The following PCDH15 variants were observed in gnomAD, a reference collection of about 807,000 sequenced individuals.
PCDH15 encodes the protein protocadherin related 15.
A neutral mutation model predicts 178.5 loss-of-function variants in PCDH15; 129 were observed. The ratio of observed to expected loss-of-function variants is 0.72; its 90% CI spans 0.63 to 0.84. The LOEUF is 0.84. PCDH15 is among the 40% of genes least tolerant of loss of function. PCDH15 has a pLI of 0.00. For missense variants in PCDH15, 2,230 were observed against 2,099.9 expected, an observed-to-expected ratio of 1.06 and a Z score of -1.21; for synonymous variants, 800 against 732.0, an observed-to-expected ratio of 1.09 and a Z score of -1.50.
intron 1 of PCDH15, among the ~76,000 whole-genome samples, chr10:54,668,433 G>A (rs2094605525): frequency 6.6e-6 from 1 of 152,134 alleles, no homozygotes; most frequent in African/African-American, 2.4e-5. Flanking sequence ...AACTGAATGA[G>A]AACTTTACAA....
intron 1 of PCDH15, among the ~76,000 whole-genome samples, chr10:54,744,891 T>G (rs1473891325): frequency 6.6e-6 from 1 of 152,132 alleles, no homozygotes; most frequent in Non-Finnish European, 1.5e-5. Flanking sequence ...GACAATTACA[T>G]TCTTCAGCAA....
At chr10:54,980,424 G>T (rs1839203082) in intron 2 of PCDH15, among the ~76,000 whole-genome samples, 1 of 151,376 alleles carries the variant, frequency 6.6e-6, no homozygotes, top group African/African-American at 2.4e-5. Context: ...TTATTTTATT[G>T]AATTACCATT....
intron 1 of PCDH15, among the ~76,000 whole-genome samples, chr10:54,766,093 T>A (rs774174878): frequency 1.2e-4 from 18 of 152,060 alleles, no homozygotes; most frequent in Non-Finnish European, 1.2e-4. Context: ...TTGAGAAAAT[T>A]AATCATGCAA....
intron 2 of PCDH15, among the ~76,000 whole-genome samples, chr10:54,992,299 T>C (rs1185306954): frequency 6.6e-6 from 1 of 152,180 alleles, no homozygotes; most frequent in Non-Finnish European, 1.5e-5. Flanking sequence ...TCATAACTAC[T>C]GGTCAAAACA....
chr10:54,707,411 T>C (rs1418281230), intron 1 of PCDH15, among the ~76,000 whole-genome samples: 1 of 152,192 alleles, frequency 6.6e-6, no homozygotes, highest in Admixed American at 6.5e-5. Flanking sequence ...TGGAAGTAAC[T>C]TGCTGGTATA....
At chr10:54,451,488 G>A (rs2076476389) in intron 3 of PCDH15, among the ~76,000 whole-genome samples, 2 of 151,786 alleles carry the variant, frequency 1.3e-5, no homozygotes, top group Admixed American at 1.3e-4. Flanking sequence ...TCTGCGTTTT[G>A]GAAAGTTAAA....
intron 2 of PCDH15, among the ~76,000 whole-genome samples, chr10:55,003,561 G>A (rs1839847797): frequency 6.6e-6 from 1 of 151,836 alleles, no homozygotes; most frequent in Non-Finnish European, 1.5e-5. Context: ...CTCTTTGCCT[G>A]ATTTCTCCAG....
In PCDH15 at chr10:53,957,253, GC is replaced by G. The variant is rs562785382; in HGVS notation, c.3122+2478del. ...TGGGAATTTTAAGTTAAAACTGTGA[GC>G]GTTTTTTTGGATCCACTTAGAAGAC... On this transcript the variant is annotated intron_variant, in intron 23 of 37. Transcript: ENST00000644397. Among the ~76,000 whole-genome samples, 450 of 152,278 alleles carry G rather than the reference GC, an allele frequency of 3.0e-3. 1 individual carries two copies. Among genetic ancestry groups the G allele is most frequent in the African/African-American group, 9.7e-3 (405 of 41,554 alleles).
At chr10:53,978,449 T>C (rs1015474747) in intron 21 of PCDH15, among the ~76,000 whole-genome samples, 3 of 152,096 alleles carry the variant, frequency 2.0e-5, no homozygotes, top group Non-Finnish European at 4.4e-5. Flanking sequence ...AACCAAGTCC[T>C]GAGGCTATAC....
At chr10:54,281,300 A>G (rs2058692734) in intron 8 of PCDH15, among the ~76,000 whole-genome samples, 1 of 152,024 alleles carries the variant, frequency 6.6e-6, no homozygotes, top group Non-Finnish European at 1.5e-5. Context: ...GAAAAATAAG[A>G]AACATTTCAG....
intron 2 of PCDH15, among the ~76,000 whole-genome samples, chr10:55,336,869 G>T (rs1462003589): frequency 6.6e-6 from 1 of 152,130 alleles, no homozygotes; most frequent in Non-Finnish European, 1.5e-5. Context: ...TTGTTAATCT[G>T]CTTTTTGTTA....
chr10:55,453,606 A>G (rs1211759590), intron 2 of PCDH15, among the ~76,000 whole-genome samples: 1 of 152,078 alleles, frequency 6.6e-6, no homozygotes, highest in Non-Finnish European at 1.5e-5. Context: ...TCGGGGGGTC[A>G]ACTAGATTCT....
At chr10:55,464,770 A>G (rs1839796396) in intron 2 of PCDH15, among the ~76,000 whole-genome samples, 2 of 149,918 alleles carry the variant, frequency 1.3e-5, no homozygotes, top group Non-Finnish European at 3.0e-5. Context: ...CAATGATAAA[A>G]ATTTCCTTTA....
Position 54,830,431 on chromosome 10 carries a change from G to A in PCDH15, c.-29+67019C>T, listed in dbSNP as rs374140521. Among the ~76,000 whole-genome samples, 61 of 152,210 alleles carry A rather than the reference G, an allele frequency of 4.0e-4. No homozygotes were observed. In the East Asian group the frequency reaches 6.0e-3, roughly 15 times the overall value. ...AAAAAATGATGAGTTCATGTCCTTT[G>A]TAGGGACATGGATGAAGCTGGAAAC... On this transcript the variant is annotated intron_variant, in intron 3 of 5. Coordinates refer to the PCDH15 transcript ENST00000458638.
chr10:55,481,842 A>G (rs1840188414), intron 2 of PCDH15, among the ~76,000 whole-genome samples: 4 of 151,780 alleles, frequency 2.6e-5, no homozygotes, highest in African/African-American at 9.7e-5. Context: ...CTATGTGTCT[A>G]TCAGGTGCAT....
At chr10:54,772,852 C>T (rs1018790803) in intron 1 of PCDH15, among the ~76,000 whole-genome samples, 14 of 152,076 alleles carry the variant, frequency 9.2e-5, no homozygotes. Flanking sequence ...ATAGCAAAGA[C>T]ATTGAATCAA....
At chr10:55,165,500 A>G (rs1439559399) in intron 2 of PCDH15, among the ~76,000 whole-genome samples, 2 of 151,846 alleles carry the variant, frequency 1.3e-5, no homozygotes, top group Non-Finnish European at 2.9e-5. Context: ...AACTCCACAA[A>G]TCCCCCTGCA....
rs1205064438 is a variant in PCDH15, at chr10:54,390,633, A to G, written c.158-11691T>C. Among the ~76,000 whole-genome samples the G allele has an allele frequency of 2.6e-5, 4 of 152,252 alleles. 1 individual carries two copies. Among genetic ancestry groups the G allele is most frequent in the Admixed American group, 6.5e-5 (1 of 15,298 alleles). On this transcript the variant is annotated intron_variant, in intron 3 of 37. Transcript: ENST00000644397. ...TTTGTAGTATAGGCTATCTTGTTTT[A>G]AAAAAGATCTTATATTCCTGTCTTG...
intron 2 of PCDH15, among the ~76,000 whole-genome samples, chr10:55,508,099 A>G (rs893963005): frequency 1.6e-4 from 25 of 151,688 alleles, no homozygotes; most frequent in African/African-American, 6.0e-4. Context: ...ATTTTTTAAA[A>G]TTAGATTTTA....
Sources: allele counts gnomAD v4.1 joint callset (sites outside exome capture counted in the v4.1 genomes callset), GRCh38; gene constraint gnomAD v4.1.1; transcripts MANE v1.5; gene names NCBI Gene and HGNC (gene_info 2026-07-23, HGNC 2026-07-21).